Variants in DACH2 observed in about 807,000 individuals in gnomAD.
DACH2 encodes the protein dachshund family transcription factor 2.
Under a neutral mutation model 35.8 loss-of-function variants are expected in DACH2, and 17 were observed. That is an observed-to-expected ratio of 0.48 (90% CI 0.33 to 0.71). DACH2 has a LOEUF of 0.71. Among genes scored for constraint, DACH2 ranks in the 30% least tolerant of loss-of-function variants. The pLI is 0.02. For missense variants in DACH2, 469 were observed against 472.7 expected (o/e 0.99, Z 0.07); for synonymous variants, 195 against 177.3 (o/e 1.10, Z -0.79).
chrX:86,241,833 A>AC (rs1050551431), intron 1 of DACH2, among the ~76,000 whole-genome samples: 1 of 112,312 alleles, frequency 8.9e-6, no homozygotes, highest in African/African-American at 3.2e-5. Flanking sequence ...GCTAAAAGGG[A>AC]CCAAGGAACA....
intron 2 of DACH2, among the ~76,000 whole-genome samples, chrX:86,450,628 G>A (rs962940525): frequency 1.8e-5 from 2 of 110,722 alleles, no homozygotes; most frequent in African/African-American, 6.6e-5. Flanking sequence ...CCTGGTTTTA[G>A]GTCTTTGGGG....
intron 1 of DACH2, among the ~76,000 whole-genome samples, chrX:86,197,526 C>T (rs1215406641): frequency 9.0e-6 from 1 of 110,679 alleles, no homozygotes; most frequent in Non-Finnish European, 1.9e-5. Context: ...ATCTTGCATG[C>T]AATGACACCT....
Position 86,599,466 on chromosome X carries a change from T to TTTC in DACH2, c.641-51568_641-51567insCTT, listed in dbSNP as rs769918472. Reference sequence around the variant, plus strand: ...TTTCTTTCCCTTCCTTCCTTCCTTCTTTTCTTTCTTTCTTTCTTTCTTTCT... The same window carrying TTTC: ...TTTCTTTCCCTTCCTTCCTTCCTTCTTTCTTTCTTTCTTTCTTTCTTTCTTTCT... On this transcript the variant is annotated intron_variant, in intron 3 of 11. Coordinates refer to ENST00000373125, the MANE Select transcript of DACH2 (RefSeq NM_053281.3). Among the ~76,000 whole-genome samples, 154 of 62,773 alleles carry TTTC rather than the reference T, an allele frequency of 2.5e-3. 1 individual carries two copies. Among genetic ancestry groups the TTTC allele is most frequent in the Admixed American group, 0.019 (86 of 4,467 alleles). The allele number at this position is 62,773 out of a possible 115,157, so 54.5% of individuals were successfully genotyped here. A position where few individuals can be genotyped will look rare whatever the true frequency, so the allele number is the denominator to read the frequency against.
intron 11 of DACH2, 169 bp from the exon 12 acceptor site, chrX:86,831,937 C>G (rs1445712967): frequency 1.0e-5 from 4 of 397,690 alleles, no homozygotes; most frequent in Non-Finnish European, 1.7e-5. Flanking sequence ...TCTTTGAAAA[C>G]TGACAGATGA....
chrX:86,613,757 C>T (rs1385711259), intron 3 of DACH2, among the ~76,000 whole-genome samples: 1 of 111,520 alleles, frequency 9.0e-6, no homozygotes, highest in Non-Finnish European at 1.9e-5. Flanking sequence ...TCTTATAAAA[C>T]ATAATATATA....
intron 1 of DACH2, among the ~76,000 whole-genome samples, chrX:86,272,203 T>A (rs1240205850): frequency 9.2e-6 from 1 of 108,951 alleles, no homozygotes; most frequent in Admixed American, 1.0e-4. Context: ...TTTGAGAGTG[T>A]GTGTGTGTGT....
intron 3 of DACH2, among the ~76,000 whole-genome samples, chrX:86,514,618 C>A (rs1330725063): frequency 1.8e-5 from 2 of 111,888 alleles, no homozygotes; most frequent in African/African-American, 6.5e-5. Flanking sequence ...AAATCCCTTT[C>A]AAGGCCTTAT....
intron 2 of DACH2, among the ~76,000 whole-genome samples, chrX:86,412,629 A>T (rs927141097): frequency 8.9e-6 from 1 of 111,878 alleles, no homozygotes; most frequent in Non-Finnish European, 1.9e-5. Context: ...GGATACCATG[A>T]TGGTGGATAA....
chrX:86,337,846 C>A (rs2035340952), intron 1 of DACH2, among the ~76,000 whole-genome samples: 1 of 110,590 alleles, frequency 9.0e-6, no homozygotes, highest in Non-Finnish European at 1.9e-5. Context: ...CACACAGGCT[C>A]AAAATAAAGG....
At chrX:86,673,356 A>G (rs1251202247) in intron 4 of DACH2, among the ~76,000 whole-genome samples, 1 of 108,894 alleles carries the variant, frequency 9.2e-6, no homozygotes, top group African/African-American at 3.4e-5. Context: ...AAAAAAAAAA[A>G]AAAGAAGAAG....
At chrX:86,402,008 A>G (rs1307648877) in intron 2 of DACH2, among the ~76,000 whole-genome samples, 1 of 111,868 alleles carries the variant, frequency 8.9e-6, no homozygotes, top group Non-Finnish European at 1.9e-5. Flanking sequence ...AAAACCCTCA[A>G]CAGTCTAGGC....
intron 4 of DACH2, among the ~76,000 whole-genome samples, chrX:86,667,545 G>GAAGAAAGAAAGAAAGAAAGA (rs367810959): frequency 6.4e-5 from 2 of 31,364 alleles, no homozygotes; most frequent in Non-Finnish European, 1.1e-4. Context: ...AAGAAAGAAA[G>GAAGAAAGAAAGAAAGAAAGA]AAGAAAGAAA....
chrX:86,349,596 C>A (rs919888899), intron 1 of DACH2, among the ~76,000 whole-genome samples: 1 of 112,002 alleles, frequency 8.9e-6, no homozygotes, highest in East Asian at 2.8e-4. Flanking sequence ...AAACACAGCT[C>A]GAGTTTAGTC....
intron 1 of DACH2, among the ~76,000 whole-genome samples, chrX:86,183,897 G>T (rs1359766708): frequency 1.8e-5 from 2 of 111,363 alleles, no homozygotes; most frequent in Admixed American, 9.6e-5. Flanking sequence ...TCCTGGTTTA[G>T]ACTTGGGAGG....
At chrX:86,747,472 C>T (rs961674001) in intron 7 of DACH2, among the ~76,000 whole-genome samples, 27 of 111,143 alleles carry the variant, frequency 2.4e-4, no homozygotes, top group African/African-American at 7.9e-4. Flanking sequence ...CAGACCACCA[C>T]GATAAAGCAT....
intron 11 of DACH2, chrX:86,829,676 C>T (rs1289147637): frequency 2.7e-5 from 3 of 112,582 alleles, no homozygotes; most frequent in Non-Finnish European, 5.6e-5. Flanking sequence ...AGTGTCCACA[C>T]TGACCTTCTG....
At chrX:86,717,097 A>G (rs753938640) in intron 6 of DACH2, among the ~76,000 whole-genome samples, 3 of 112,117 alleles carry the variant, frequency 2.7e-5, no homozygotes, top group Non-Finnish European at 5.6e-5. Context: ...AAAAATTTCT[A>G]TTTCTCTACA....
At chrX:86,311,143 G>T (rs763791064) in intron 1 of DACH2, among the ~76,000 whole-genome samples, 43 of 111,992 alleles carry the variant, frequency 3.8e-4, no homozygotes, top group African/African-American at 1.2e-3. Flanking sequence ...CTTCCATCAT[G>T]GAAAGAACAA....
chrX:86,442,652 A>ATGT (rs201892926), intron 2 of DACH2, among the ~76,000 whole-genome samples: 1 of 108,307 alleles, frequency 9.2e-6, no homozygotes, highest in African/African-American at 3.4e-5. Context: ...CATCTCCCCA[A>ATGT]GTTTTCTTCT....
Sources: gnomAD v4.1 joint callset for allele counts (sites outside exome capture counted in the v4.1 genomes callset) on GRCh38, gnomAD v4.1.1 for gene constraint, MANE v1.5 for transcripts, NCBI Gene and HGNC (gene_info 2026-07-23, HGNC 2026-07-21) for gene names.